CHMP3: variants seen among roughly 807,000 people sequenced by gnomAD.
CHMP3 encodes 25.1 protein.
Under a neutral mutation model 27.4 loss-of-function variants are expected in CHMP3, and 8 were observed. The observed-to-expected ratio is 0.29, with a 90% confidence interval of 0.17 to 0.53. The LOEUF (loss-of-function observed/expected upper bound fraction) is 0.53. Among genes scored for constraint, CHMP3 ranks in the 20% least tolerant of loss-of-function variants. The probability of loss-of-function intolerance (pLI) is 0.96; values close to 1 mark genes in which losing one functional copy is unlikely to be tolerated. For missense variants in CHMP3, 208 were observed against 271.5 expected, an observed-to-expected ratio of 0.77 and a Z score of 1.64; for synonymous variants, 86 against 85.5, an observed-to-expected ratio of 1.01 and a Z score of -0.03.
intron 3 of CHMP3, among the ~76,000 whole-genome samples, chr2:86,528,272 A>C (rs929911283): frequency 2.0e-5 from 3 of 152,218 alleles, no homozygotes; most frequent in African/African-American, 7.2e-5. Context: ...GTGATCAATG[A>C]AGTATCTGAC....
At chr2:86,537,009 TACC>T (rs1485260364) in intron 2 of CHMP3, among the ~76,000 whole-genome samples, 1 of 152,058 alleles carries the variant, frequency 6.6e-6, no homozygotes, top group Non-Finnish European at 1.5e-5. Context: ...TACAGGCATG[TACC>T]ACCACACCTG....
At chr2:86,547,327 T>A (rs1676651075) in intron 1 of CHMP3, among the ~76,000 whole-genome samples, 2 of 152,226 alleles carry the variant, frequency 1.3e-5, no homozygotes, top group Non-Finnish European at 2.9e-5. Context: ...TATGTAACAA[T>A]CTTCAGAAAC....
intron 1 of CHMP3, among the ~76,000 whole-genome samples, chr2:86,545,537 ACGGGGCGAC>A (rs1676547213): frequency 2.9e-5 from 2 of 69,946 alleles, no homozygotes; most frequent in South Asian, 4.9e-4. Context: ...CACTTCCCAG[ACGGGGCGAC>A]TGCCGGGCAG....
intron 3 of CHMP3, among the ~76,000 whole-genome samples, chr2:86,519,826 C>T (rs1199972824): frequency 6.6e-6 from 1 of 152,076 alleles, no homozygotes; most frequent in Non-Finnish European, 1.5e-5. Context: ...ACTTAAAACC[C>T]TTGAATAAAC....
rs115877253 is a variant in CHMP3 at position 86,522,727 on chromosome 2, T to G, written c.286+6491A>C. Reference sequence around the variant, plus strand: ...TTCCCCTACTCCACTCCATTACCTCTTAGGTCCCACTGCCTCCAATCACAC... The same window carrying G: ...TTCCCCTACTCCACTCCATTACCTCGTAGGTCCCACTGCCTCCAATCACAC... On this transcript the variant is annotated intron_variant, in intron 3 of 5. Coordinates refer to ENST00000263856, the MANE Select transcript of CHMP3 (RefSeq NM_016079.4). 3.5e-3 allele frequency among the ~76,000 whole-genome samples: 527 copies of G among 152,294 alleles called. 6 individuals are homozygous for G. Among genetic ancestry groups the G allele is most frequent in the African/African-American group, 0.012 (508 of 41,584 alleles).
intron 1 of CHMP3, among the ~76,000 whole-genome samples, chr2:86,553,494 G>C (rs1170087759): frequency 6.6e-6 from 1 of 152,050 alleles, no homozygotes. Flanking sequence ...ACCACGCCCA[G>C]CTAATTTTTG....
At chr2:86,510,566 A>T in intron 3 of CHMP3, 87 bp from the exon 4 acceptor site, 2 of 1,549,222 alleles carry the variant, frequency 1.3e-6, no homozygotes, top group Non-Finnish European at 1.7e-6. Context: ...AATAAATGAC[A>T]GCAGTAGCAG....
chr2:86,517,565 C>CAAAAAA (rs70956116), intron 3 of CHMP3, among the ~76,000 whole-genome samples: 2 of 90,138 alleles, frequency 2.2e-5, no homozygotes, highest in Non-Finnish European at 4.1e-5. Context: ...GACTCCGTCT[C>CAAAAAA]AAAAAAAAAA....
At position 86,504,068 on chromosome 2, in the gene CHMP3, T is replaced by C. The variant is rs1674797514; in HGVS notation, c.*1736A>G. 1 of 150,592 alleles carries C rather than the reference T, an allele frequency of 6.6e-6. No homozygotes were observed. Among genetic ancestry groups the C allele is most frequent in the Non-Finnish European group, 1.5e-5 (1 of 67,508 alleles). The allele number at this position is 150,592 out of a possible 1,614,324, so 9.3% of individuals were successfully genotyped here. ...CTGCACATGTACCCCCTGAACCTAA[T>C]TTTTTTTTTAAAGTGGTTGCCAGGG... On this transcript the variant is annotated 3_prime_UTR_variant, in exon 6 of 6. Coordinates refer to ENST00000263856, the MANE Select transcript of CHMP3 (RefSeq NM_016079.4).
chr2:86,520,891 C>G (rs1675495749), intron 3 of CHMP3, among the ~76,000 whole-genome samples: 3 of 152,178 alleles, frequency 2.0e-5, no homozygotes, highest in Admixed American at 2.0e-4. Flanking sequence ...CTGTGACTTG[C>G]ACGTATACAT....
At chr2:86,549,706 C>T (rs1364443018) in intron 1 of CHMP3, among the ~76,000 whole-genome samples, 2 of 145,918 alleles carry the variant, frequency 1.4e-5, no homozygotes, top group Non-Finnish European at 1.5e-5. Flanking sequence ...CCCCTCACCT[C>T]CCAGATGGGG....
intron 1 of CHMP3, among the ~76,000 whole-genome samples, chr2:86,555,509 A>AT (rs1246526920): frequency 6.6e-6 from 1 of 150,846 alleles, no homozygotes; most frequent in Non-Finnish European, 1.5e-5. Flanking sequence ...TCAAAAAAAA[A>AT]AATAAATAAA....
chr2:86,507,113 C>T (rs1458250040), intron 5 of CHMP3: 4 of 158,752 alleles, frequency 2.5e-5, no homozygotes, highest in African/African-American at 4.8e-5. Context: ...GATCCCCCAC[C>T]TGAGCCTCCC....
chr2:86,548,200 T>TA (rs1676691099), intron 1 of CHMP3, among the ~76,000 whole-genome samples: 1 of 146,342 alleles, frequency 6.8e-6, no homozygotes, highest in Admixed American at 6.7e-5. Flanking sequence ...TTTTTTTTTT[T>TA]AGTATTTATT....
At chr2:86,509,076 T>C (rs1674992671) in intron 4 of CHMP3, among the ~76,000 whole-genome samples, 2 of 152,198 alleles carry the variant, frequency 1.3e-5, no homozygotes, top group Non-Finnish European at 1.5e-5. Flanking sequence ...TTCTTGCCCT[T>C]GAGGAGCTGA....
intron 2 of CHMP3, among the ~76,000 whole-genome samples, chr2:86,536,231 C>T (rs1375006915): frequency 6.6e-6 from 1 of 151,302 alleles, no homozygotes; most frequent in Admixed American, 6.6e-5. Flanking sequence ...ATCTCCTGAC[C>T]TCGTGATCCG....
At chr2:86,555,456 C>G (rs1193248125) in intron 1 of CHMP3, among the ~76,000 whole-genome samples, 1 of 151,180 alleles carries the variant, frequency 6.6e-6, no homozygotes, top group African/African-American at 2.4e-5. Flanking sequence ...GAGCCGAGAT[C>G]GCACCACTGC....
intron 1 of CHMP3, among the ~76,000 whole-genome samples, chr2:86,554,893 G>A (rs1677060605): frequency 6.7e-6 from 1 of 149,936 alleles, no homozygotes; most frequent in African/African-American, 2.4e-5. Context: ...TGTCGCCCAG[G>A]CTAGAGTGCA....
chr2:86,513,195 G>T (rs1675170564), intron 3 of CHMP3, among the ~76,000 whole-genome samples: 1 of 152,176 alleles, frequency 6.6e-6, no homozygotes, highest in Non-Finnish European at 1.5e-5. Context: ...GAGCTTTCAA[G>T]CCATGAAAAG....
Sources: allele counts gnomAD v4.1 joint callset (sites outside exome capture counted in the v4.1 genomes callset), GRCh38; gene constraint gnomAD v4.1.1; transcripts MANE v1.5; gene names NCBI Gene and HGNC (gene_info 2026-07-23, HGNC 2026-07-21).